Variants in DOCK1 observed in about 807,000 individuals in gnomAD.
DOCK1 encodes dedicator of cytokinesis protein 1.
A neutral mutation model predicts 262.7 loss-of-function variants in DOCK1; 138 were observed. That is an observed-to-expected ratio of 0.53 (90% CI 0.46 to 0.61). DOCK1 has a LOEUF of 0.61. Ranked by LOEUF, DOCK1 falls within the 20% of genes least tolerant of loss-of-function variation. The pLI, the probability that DOCK1 is intolerant of heterozygous loss-of-function variation, is 0.00. For missense variants in DOCK1, 1,908 were observed against 2,370.7 expected (o/e 0.80, Z 4.05); for synonymous variants, 866 against 867.4 (o/e 1.00, Z 0.03).
chr10:127,344,877 AAAGAG>A (rs1185707506), intron 31 of DOCK1, among the ~76,000 whole-genome samples: 1 of 152,206 alleles, frequency 6.6e-6, no homozygotes, highest in Non-Finnish European at 1.5e-5. Context: ...TTTCAAAAAA[AAAGAG>A]AAGAAAGAAA....
intron 29 of DOCK1, among the ~76,000 whole-genome samples, chr10:127,291,793 A>G (rs868757522): frequency 7.2e-5 from 11 of 152,202 alleles, no homozygotes; most frequent in Admixed American, 3.9e-4. Flanking sequence ...GAATAGAGGG[A>G]CAGACAGCAT....
At chr10:127,293,446 G>A (rs113958870) in intron 29 of DOCK1, among the ~76,000 whole-genome samples, 3,870 of 152,276 alleles carry the variant, frequency 0.025, 155 homozygotes, top group African/African-American at 0.085. Context: ...GGCCAGCACC[G>A]GGTTTTGTGT....
intron 6 of DOCK1, 127 bp from the exon 7 acceptor site, chr10:126,996,621 A>T: frequency 2.3e-6 from 2 of 869,950 alleles, no homozygotes; most frequent in African/African-American, 3.5e-5. Context: ...TTATATTCCT[A>T]ATATTTTGGG....
chr10:127,398,472 A>G (rs1411162569), intron 38 of DOCK1, among the ~76,000 whole-genome samples: 1 of 152,160 alleles, frequency 6.6e-6, no homozygotes, highest in Non-Finnish European at 1.5e-5. Flanking sequence ...GCCTCCTGCT[A>G]GTCCTGGGCC....
intron 29 of DOCK1, among the ~76,000 whole-genome samples, chr10:127,326,793 T>C (rs2062763947): frequency 6.6e-6 from 1 of 152,252 alleles, no homozygotes; most frequent in Admixed American, 6.5e-5. Context: ...TAAAATATAT[T>C]TCTTAAATAA....
intron 32 of DOCK1, among the ~76,000 whole-genome samples, chr10:127,357,450 T>A (rs2064201722): frequency 6.6e-6 from 1 of 152,138 alleles, no homozygotes; most frequent in African/African-American, 2.4e-5. Flanking sequence ...AGGATACACT[T>A]GGGTCTGACA....
At chr10:127,006,790 TG>T (rs2041061635) in intron 10 of DOCK1, among the ~76,000 whole-genome samples, 1 of 151,928 alleles carries the variant, frequency 6.6e-6, no homozygotes, top group African/African-American at 2.4e-5. Flanking sequence ...GGGAGTCCCA[TG>T]GTCAGCTGGT....
At chr10:127,197,712 C>T (rs1232907334) in intron 27 of DOCK1, among the ~76,000 whole-genome samples, 2 of 152,162 alleles carry the variant, frequency 1.3e-5, no homozygotes, top group African/African-American at 4.8e-5. Flanking sequence ...GCCTATACAT[C>T]CCTGAGTCTC....
At chr10:127,056,114 G>C (rs2045124240) in intron 22 of DOCK1, among the ~76,000 whole-genome samples, 1 of 152,132 alleles carries the variant, frequency 6.6e-6, no homozygotes, top group African/African-American at 2.4e-5. Context: ...AAGCCTCTGA[G>C]GCCATTGTCT....
rs183145229 is a variant in DOCK1, at chr10:127,425,237, C to G, written c.4777-637C>G. ...AAAGGGAGACTTTTCCTTCTCCCACCCCACAACAGCAGCAACTCTGGTGGG... is the reference window on the plus strand; with the variant it reads ...AAAGGGAGACTTTTCCTTCTCCCACGCCACAACAGCAGCAACTCTGGTGGG... On this transcript the variant is annotated intron_variant, in intron 46 of 51. Transcript: ENST00000623213. Among the ~76,000 whole-genome samples the G allele has an allele frequency of 3.2e-3, 489 of 152,258 alleles. 1 individual carries two copies. The highest frequency in any genetic ancestry group is 5.8e-3 in the Non-Finnish European group (394 of 68,032).
chr10:127,023,007 A>G (rs1428614811), intron 13 of DOCK1, among the ~76,000 whole-genome samples, 193 bp from the exon 14 acceptor site: 1 of 152,208 alleles, frequency 6.6e-6, no homozygotes, highest in Non-Finnish European at 1.5e-5. Flanking sequence ...TCCTCTTTCT[A>G]GAAAACTTTA....
intron 48 of DOCK1, 74 bp downstream of exon 48, chr10:127,433,502 C>T (rs2069445749): frequency 6.6e-7 from 1 of 1,517,028 alleles, no homozygotes; most frequent in South Asian, 1.3e-5. Context: ...ACCCAGGGCT[C>T]TGGGTTTATT....
chr10:127,083,695 C>A (rs903201584), intron 23 of DOCK1, among the ~76,000 whole-genome samples: 5 of 152,118 alleles, frequency 3.3e-5, no homozygotes, highest in African/African-American at 1.2e-4. Flanking sequence ...ATTTTTTAAT[C>A]TTCCCAACAA....
At chr10:127,089,993 G>A (rs547285557) in intron 23 of DOCK1, among the ~76,000 whole-genome samples, 85 of 152,274 alleles carry the variant, frequency 5.6e-4, no homozygotes, top group South Asian at 1.4e-3. Context: ...TGTTTGTTGA[G>A]ACACAGCTGA....
At chr10:127,168,963 C>CTGATT (rs1274949166) in intron 27 of DOCK1, among the ~76,000 whole-genome samples, 1 of 152,132 alleles carries the variant, frequency 6.6e-6, no homozygotes, top group Non-Finnish European at 1.5e-5. Context: ...TTTCTTATCC[C>CTGATT]CTGACAGGTC....
At chr10:126,966,591 G>T (rs1420812557) in intron 1 of DOCK1, among the ~76,000 whole-genome samples, 3 of 152,060 alleles carry the variant, frequency 2.0e-5, no homozygotes, top group African/African-American at 4.8e-5. Context: ...CCTAACTGGG[G>T]TGAGATAATA....
chr10:127,388,547 C>A lies in DOCK1; in HGVS notation c.3927+3638C>A, dbSNP rs114411671. Among the ~76,000 whole-genome samples, 439 of 152,338 alleles carry A rather than the reference C, an allele frequency of 2.9e-3. 2 individuals are homozygous for A. Among genetic ancestry groups the A allele is most frequent in the African/African-American group, 0.01 (416 of 41,584 alleles). ...GTAGGAAATAATTCATCTTCCGTAA[C>A]AATCTGGATGGCCTGCACTAGAGTT... On this transcript the variant is annotated intron_variant, in intron 38 of 51. Coordinates refer to ENST00000623213, the MANE Select transcript of DOCK1 (RefSeq NM_001290223.2).
intron 25 of DOCK1, among the ~76,000 whole-genome samples, chr10:127,120,313 T>G (rs2133009758): frequency 6.6e-6 from 1 of 152,360 alleles, no homozygotes; most frequent in Admixed American, 6.5e-5. Context: ...ATACAAGGTC[T>G]TTAACATCGG....
intron 1 of DOCK1, among the ~76,000 whole-genome samples, chr10:126,949,344 A>G (rs1173881510): frequency 1.3e-5 from 2 of 152,134 alleles, no homozygotes; most frequent in Non-Finnish European, 2.9e-5. Flanking sequence ...TTGGTTGGAC[A>G]TGTTGCTTGA....
Sources: gnomAD v4.1 joint callset for allele counts (sites outside exome capture counted in the v4.1 genomes callset) on GRCh38, gnomAD v4.1.1 for gene constraint, MANE v1.5 for transcripts, NCBI Gene and HGNC (gene_info 2026-07-23, HGNC 2026-07-21) for gene names.